The following TMEM209 variants were observed in gnomAD, a reference collection of about 807,000 sequenced individuals.
The protein encoded by TMEM209 is testicular tissue protein Li 202.
A neutral mutation model predicts 76.2 loss-of-function variants in TMEM209; 65 were observed. The ratio of observed to expected loss-of-function variants is 0.85; its 90% CI spans 0.70 to 1.05. The LOEUF (loss-of-function observed/expected upper bound fraction) is 1.05, where lower values mean the gene tolerates loss of function less well. Among genes scored for constraint, TMEM209 ranks in the 50% least tolerant of loss-of-function variants. The pLI is 0.00. For synonymous variants in TMEM209, 239 were observed against 237.6 expected (o/e 1.01, Z -0.06); for missense variants, 623 against 685.5 (o/e 0.91, Z 1.02).
chr7:130,180,627 C>T (rs1025052305), intron 9 of TMEM209, among the ~76,000 whole-genome samples: 3 of 152,116 alleles, frequency 2.0e-5, no homozygotes, highest in Non-Finnish European at 4.4e-5. Flanking sequence ...CCTCCGCCTC[C>T]CAAAGTGCTG....
chr7:130,188,668 C>A (rs1010738877), intron 6 of TMEM209, among the ~76,000 whole-genome samples: 6 of 148,606 alleles, frequency 4.0e-5, no homozygotes, highest in African/African-American at 1.5e-4. Context: ...CAAGGATCAT[C>A]AACAGATGCT....
Position 130,201,390 on chromosome 7 carries a change from G to C in TMEM209, c.573+460C>G, listed in dbSNP as rs568581805. On this transcript the variant is annotated intron_variant, in intron 5 of 14. Transcript: ENST00000397622. ...AAATGAAGGTTCCTACTATTCCATG[G>C]AAAGCGTCCATATTCAAGAATCATT... Among the ~76,000 whole-genome samples the C allele has an allele frequency of 2.6e-5, 4 of 151,962 alleles. No individual in the cohort carries two copies. In the East Asian group the frequency reaches 7.7e-4, roughly 29 times the overall value.
In TMEM209 at chr7:130,203,856, A is replaced by T. The variant is rs1358601689; in HGVS notation, c.141-10T>A. On this transcript the variant is annotated splice_polypyrimidine_tract_variant and intron_variant, in intron 2 of 14. Coordinates refer to ENST00000397622, the MANE Select transcript of TMEM209 (RefSeq NM_032842.4). ...AATCAATTTTCCAGTCCTGAAAAAAAATTAGAAAGGCTTTCCAGTGAACCT... is the reference window on the plus strand; with the variant it reads ...AATCAATTTTCCAGTCCTGAAAAAATATTAGAAAGGCTTTCCAGTGAACCT... 4.4e-6 allele frequency: 7 copies of T among 1,599,884 alleles called. No homozygotes were observed. In the South Asian group the frequency reaches 7.9e-5, roughly 18 times the overall value.
chr7:130,180,368 G>A (rs1797368361), intron 9 of TMEM209, among the ~76,000 whole-genome samples: 1 of 151,986 alleles, frequency 6.6e-6, no homozygotes, highest in South Asian at 2.1e-4. Context: ...GAATCAAAAA[G>A]ACATTTCTTT....
At chr7:130,184,732 C>T (rs1395305202) in intron 7 of TMEM209, among the ~76,000 whole-genome samples, 4 of 152,242 alleles carry the variant, frequency 2.6e-5, no homozygotes, top group South Asian at 2.1e-4. Flanking sequence ...CCTCGTGATC[C>T]ACCCGCCTCT....
intron 7 of TMEM209, 32 bp downstream of exon 7, chr7:130,185,160 T>C (rs1468712537): frequency 1.3e-6 from 2 of 1,585,910 alleles, no homozygotes; most frequent in Non-Finnish European, 1.7e-6. Flanking sequence ...GCATAAATCA[T>C]AAATATTAAG....
chr7:130,202,128 C>T lies in TMEM209; in HGVS notation c.332-37G>A, dbSNP rs767824583. 5.8e-6 allele frequency: 9 copies of T among 1,556,786 alleles called. No homozygotes were observed. The South Asian group carries it at 9.6e-5, about 17-fold the overall frequency. ...AAAAAAGCAACATATGTGTATGTAC[C>T]TTCAAATAAAATTATACGAAAATAT... On this transcript the variant is annotated intron_variant, in intron 4 of 14. Transcript: ENST00000397622.
rs1336618504 is a variant in TMEM209 at position 130,204,011 on chromosome 7, G to A, written c.103C>T (p.Leu35=). The A allele has an allele frequency of 6.2e-7, 1 of 1,613,680 alleles. No individual in the cohort carries two copies. The highest frequency in any genetic ancestry group is 8.5e-7 in the Non-Finnish European group (1 of 1,179,800). The change falls in exon 2 of 15, where the codon CTA becomes TTA. Residue 35 remains leucine, a synonymous_variant. Coordinates refer to ENST00000397622, the MANE Select transcript of TMEM209 (RefSeq NM_032842.4). ...ARKVVLAWGL[L]NVSMAGMIYT... The stretch of plus-strand genomic sequence containing the variant: ...ATCATTCCAGCCATAGATACATTTA[G>A]GAGTCCCCAGGCTAAGACCACTTTC...
In TMEM209 at chr7:130,175,750, T is replaced by C. The variant is rs762658286; in HGVS notation, c.1247-141A>G. ...CCCAAACCTAAAGAAATAAAAGATA[T>C]AAAAAGACAAAAGTTAAACATGTCC... is the stretch of plus-strand genomic sequence containing the variant. On this transcript the variant is annotated intron_variant, in intron 10 of 14. Transcript: ENST00000397622. 2.1e-4 allele frequency: 135 copies of C among 652,942 alleles called. 1 individual carries two copies. Among genetic ancestry groups the C allele is most frequent in the South Asian group, 1.2e-3 (54 of 45,472 alleles). The allele number at this position is 652,942 out of a possible 1,614,324, so 40.4% of individuals were successfully genotyped here. A position where few individuals can be genotyped will look rare whatever the true frequency, so the allele number is the denominator to read the frequency against.
chr7:130,179,952 C>T (rs1158548773), intron 9 of TMEM209, among the ~76,000 whole-genome samples: 6 of 152,118 alleles, frequency 3.9e-5, no homozygotes, highest in South Asian at 2.1e-4. Context: ...GGCAAAAGAG[C>T]GAGACTCTGT....
At chr7:130,177,541 G>T (rs559277024) in intron 10 of TMEM209, among the ~76,000 whole-genome samples, 1 of 151,970 alleles carries the variant, frequency 6.6e-6, no homozygotes, top group Non-Finnish European at 1.5e-5. Context: ...CTCAAAAGCA[G>T]GGGGTCGCGG....
chr7:130,194,070 G>A (rs1221160703), intron 5 of TMEM209, among the ~76,000 whole-genome samples: 2 of 151,642 alleles, frequency 1.3e-5, no homozygotes, highest in Admixed American at 6.6e-5. Flanking sequence ...GTGGTGGCGG[G>A]CACCTGTAGT....
chr7:130,185,686 G>A (rs749689989), intron 6 of TMEM209, among the ~76,000 whole-genome samples: 19 of 152,078 alleles, frequency 1.2e-4, no homozygotes, highest in Non-Finnish European at 2.5e-4. Flanking sequence ...ACAAACAAAA[G>A]ACAAATTTCT....
chr7:130,175,116 T>C (rs1197878358), intron 11 of TMEM209: 1 of 157,240 alleles, frequency 6.4e-6, no homozygotes, highest in Admixed American at 6.5e-5. Flanking sequence ...CTTATTCTTA[T>C]GATAGGCAAA....
intron 6 of TMEM209, among the ~76,000 whole-genome samples, chr7:130,190,979 CAA>C (rs202081053): frequency 1.4e-4 from 13 of 93,972 alleles, no homozygotes; most frequent in African/African-American, 1.6e-4. Flanking sequence ...GACCTAGTCT[CAA>C]AAAAAAAAAA....
At chr7:130,186,684 A>G (rs1205794904) in intron 6 of TMEM209, among the ~76,000 whole-genome samples, 1 of 152,136 alleles carries the variant, frequency 6.6e-6, no homozygotes, top group Admixed American at 6.5e-5. Flanking sequence ...GAATAGAAAT[A>G]GGAAGTTCTA....
intron 11 of TMEM209, chr7:130,175,220 G>A: frequency 3.5e-6 from 1 of 284,996 alleles, no homozygotes; most frequent in Non-Finnish European, 6.5e-6. Context: ...CCAGCACTTT[G>A]GGAAGCTGAG....
Position 130,173,654 on chromosome 7 carries a change from C to T in TMEM209, c.1535G>A (p.Arg512His), listed in dbSNP as rs781746172. 9.3e-6 allele frequency: 15 copies of T among 1,613,134 alleles called. No individual in the cohort carries two copies. Among genetic ancestry groups the T allele is most frequent in the East Asian group, 4.5e-5 (2 of 44,858 alleles). ...TACCTTTGGCAGGTTGTATACATGA[C>T]GCTGGTAGATGAGCTCATAATGGGG... ...NPPHYELIYQ[R>H]HVYNLPKGRN... The change falls in exon 13 of 15, where the codon CGT becomes CAT. Residue 512 changes from arginine (R) to histidine (H), a missense_variant. Physicochemically the swap from Arg to His is conservative, Grantham distance 29 (BLOSUM62 0). Transcript: ENST00000397622.
intron 5 of TMEM209, among the ~76,000 whole-genome samples, chr7:130,194,665 T>C (rs928539525): frequency 6.6e-6 from 1 of 152,218 alleles, no homozygotes; most frequent in African/African-American, 2.4e-5. Flanking sequence ...CTGAAATTAT[T>C]TGGTGAAAGC....
Sources: allele counts gnomAD v4.1 joint callset (sites outside exome capture counted in the v4.1 genomes callset), GRCh38; gene constraint gnomAD v4.1.1; transcripts MANE v1.5; gene names NCBI Gene and HGNC (gene_info 2026-07-23, HGNC 2026-07-21).